DOCK5: variants seen among roughly 807,000 people sequenced by gnomAD.
The protein encoded by DOCK5 is dedicator of cytokinesis protein 5.
Under a neutral mutation model 251.8 loss-of-function variants are expected in DOCK5, and 142 were observed. That is an observed-to-expected ratio of 0.56 (90% CI 0.49 to 0.65). DOCK5 has a LOEUF of 0.65. Ranked by LOEUF, DOCK5 falls within the 30% of genes least tolerant of loss-of-function variation. The pLI, the probability that DOCK5 is intolerant of heterozygous loss-of-function variation, is 0.00. For missense variants in DOCK5, 2,111 were observed against 2,312.3 expected, an observed-to-expected ratio of 0.91 and a Z score of 1.79; for synonymous variants, 842 against 835.5, an observed-to-expected ratio of 1.01 and a Z score of -0.13.
intron 1 of DOCK5, among the ~76,000 whole-genome samples, chr8:25,233,568 A>C (rs1802723613): frequency 6.6e-6 from 1 of 152,190 alleles, no homozygotes; most frequent in Non-Finnish European, 1.5e-5. Flanking sequence ...GTAAAACACC[A>C]GCTCACTTTA....
At position 25,341,792 on chromosome 8, in the gene DOCK5, T is replaced by C. The variant is rs774385512; in HGVS notation, c.2493T>C (p.Phe831=). 6.4e-7 allele frequency: 1 copy of C among 1,570,998 alleles called. No individual in the cohort carries two copies. Among genetic ancestry groups the C allele is most frequent in the Non-Finnish European group, 8.6e-7 (1 of 1,156,204 alleles). ...TAATTAATGATGTCAAACTTGTATT[T>C]GATCCTGTTGAGCTCAGGTAAATAG... The part of the protein sequence containing the change: ...PSIINDVKLV[F]DPVELSVLFC... The change falls in exon 24 of 52, where the codon TTT becomes TTC. Residue 831 remains phenylalanine (F), a synonymous_variant. Transcript: ENST00000276440.
At chr8:25,394,645 G>A (rs924362496) in intron 44 of DOCK5, among the ~76,000 whole-genome samples, 6 of 152,052 alleles carry the variant, frequency 3.9e-5, no homozygotes, top group South Asian at 2.1e-4. Flanking sequence ...TTCTCTTGTC[G>A]TTGATCTTCT....
Position 25,411,257 on chromosome 8 carries a change from C to T in DOCK5, c.5572C>T (p.Arg1858Trp), listed in dbSNP as rs747723490. 8 of 1,584,772 alleles carry T rather than the reference C, an allele frequency of 5.0e-6. No homozygotes were observed. Among genetic ancestry groups the T allele is most frequent in the Admixed American group, 1.8e-5 (1 of 55,730 alleles). The change falls in exon 52 of 52, where the codon CGG becomes TGG. Residue 1858 changes from arginine to tryptophan, a missense_variant. Around this residue, in one of 3 missense-constraint regions of DOCK5, gnomAD observed 1,717 missense variants for 1,892.4 expected, o/e 0.91. Coordinates refer to ENST00000276440, the MANE Select transcript of DOCK5 (RefSeq NM_024940.8). ...ACCACCCCCTCCACCTCCAAAGGCT[C>T]GGAAGTCTGGCATCCCTACTTCCGA... Reference protein sequence around the residue: ...KAPPPPPPKARKSGIPTSEPG... With the variant: ...KAPPPPPPKAWKSGIPTSEPG...
intron 5 of DOCK5, among the ~76,000 whole-genome samples, chr8:25,290,744 T>C (rs1804464108): frequency 6.6e-6 from 1 of 152,186 alleles, no homozygotes; most frequent in African/African-American, 2.4e-5. Flanking sequence ...AAACTCTCTG[T>C]CCTATAAAGG....
chr8:25,388,163 C>G (rs1801197632), intron 40 of DOCK5, among the ~76,000 whole-genome samples: 1 of 152,176 alleles, frequency 6.6e-6, no homozygotes, highest in African/African-American at 2.4e-5. Context: ...TTTTTATTCT[C>G]TCCTCTAGAA....
chr8:25,204,450 T>A (rs1046800865), intron 1 of DOCK5, among the ~76,000 whole-genome samples: 4 of 152,168 alleles, frequency 2.6e-5, no homozygotes, highest in Admixed American at 2.6e-4. Flanking sequence ...ATATTTTCTA[T>A]TACCTTCTAG....
chr8:25,369,576 A>C lies in DOCK5; in HGVS notation c.3459A>C (p.Thr1153=). Residue 1153 remains threonine (T), a synonymous_variant, in exon 34 of 52, where the codon ACA becomes ACC. Coordinates refer to ENST00000276440, the MANE Select transcript of DOCK5 (RefSeq NM_024940.8). ...NFHMFENELI[T]KLDQEVEGGR... ...TTCAGTTTGAGAATGAGCTGATCAC[A>C]AAGCTGGACCAGGAGGTAGAAGGGG... 6.2e-7 allele frequency: 1 copy of C among 1,611,396 alleles called. No individual in the cohort carries two copies. Among genetic ancestry groups the C allele is most frequent in the African/African-American group, 1.3e-5 (1 of 75,020 alleles).
intron 27 of DOCK5, among the ~76,000 whole-genome samples, chr8:25,355,898 G>C (rs1288462029): frequency 1.3e-5 from 2 of 151,978 alleles, no homozygotes; most frequent in Non-Finnish European, 2.9e-5. Flanking sequence ...TAGCCAAATA[G>C]AAATAATAAT....
chr8:25,374,363 G>A (rs569289366), intron 36 of DOCK5, among the ~76,000 whole-genome samples: 2 of 152,040 alleles, frequency 1.3e-5, no homozygotes, highest in African/African-American at 4.8e-5. Context: ...AATTAGCCGG[G>A]CCTGGTGGCA....
In DOCK5 at chr8:25,340,898, T is replaced by A. The variant is rs377089070; in HGVS notation, c.2349T>A (p.Asp783Glu). 1 of 1,613,698 alleles carries A rather than the reference T, an allele frequency of 6.2e-7. No individual in the cohort carries two copies. ...LYLRFYGQSK[D>E]GDEFNNSIRQ... ...TAAGATTTTATGGGCAGAGCAAAGA[T>A]GGAGATGAGTTTAATAATTCAATTC... Residue 783 changes from aspartate (D) to glutamate (E), a missense_variant, in exon 23 of 52, where the codon GAT (aspartate) becomes GAA (glutamate). Physicochemically the swap from Asp to Glu is conservative, Grantham distance 45. Around this residue, in one of 3 missense-constraint regions of DOCK5, gnomAD observed 1,717 missense variants for 1,892.4 expected, o/e 0.91. Coordinates refer to ENST00000276440, the MANE Select transcript of DOCK5 (RefSeq NM_024940.8).
rs916259659 is a variant in DOCK5 at position 25,290,719 on chromosome 8, G to C, written c.322-1305G>C. 2.0e-5 allele frequency among the ~76,000 whole-genome samples: 3 copies of C among 152,110 alleles called. No homozygotes were observed. The East Asian group carries it at 5.8e-4, about 29-fold the overall frequency. On this transcript the variant is annotated intron_variant, in intron 5 of 51. Coordinates refer to ENST00000276440, the MANE Select transcript of DOCK5 (RefSeq NM_024940.8). Reference sequence around the variant, plus strand: ...CTACTTATACCAGCTATATTCTAGGGACACACAAATGAACAAACTCTCTGT... The same window carrying C: ...CTACTTATACCAGCTATATTCTAGGCACACACAAATGAACAAACTCTCTGT...
chr8:25,246,813 C>T (rs968559419), intron 2 of DOCK5, among the ~76,000 whole-genome samples: 1 of 149,670 alleles, frequency 6.7e-6, no homozygotes, highest in African/African-American at 2.5e-5. Flanking sequence ...TCAAGCTTTT[C>T]TAATTGTCCT....
intron 1 of DOCK5, among the ~76,000 whole-genome samples, chr8:25,228,989 G>A (rs1039500369): frequency 1.2e-4 from 18 of 151,714 alleles, no homozygotes; most frequent in African/African-American, 3.9e-4. Flanking sequence ...CCAGCACTCG[G>A]GGAGGCCAAG....
At chr8:25,190,885 G>T (rs974501275) in intron 1 of DOCK5, among the ~76,000 whole-genome samples, 15 of 145,618 alleles carry the variant, frequency 1.0e-4, no homozygotes, top group Non-Finnish European at 1.8e-4. Flanking sequence ...CCGGGTTCAC[G>T]CCATTCTCCT....
Position 25,308,861 on chromosome 8 carries a change from T to C in DOCK5, c.1128T>C (p.Asn376=), listed in dbSNP as rs147072638. 6.3e-4 allele frequency: 1,012 copies of C among 1,613,824 alleles called. 6 individuals are homozygous for C. The African/African-American group carries it at 0.011, about 18-fold the overall frequency. Residue 376 remains asparagine, a synonymous_variant, in exon 12 of 52, where the codon AAT becomes AAC. Coordinates refer to ENST00000276440, the MANE Select transcript of DOCK5 (RefSeq NM_024940.8). ...PLITSHVIGE[N]EPLTSVLNKV... ...TAACATCACACGTGATTGGGGAGAA[T>C]GAGCCACTCACTTCAGTCTTGAATA...
intron 3 of DOCK5, among the ~76,000 whole-genome samples, chr8:25,274,276 C>A (rs1031512323): frequency 3.4e-5 from 5 of 148,614 alleles, no homozygotes; most frequent in Non-Finnish European, 6.0e-5. Flanking sequence ...TCAGCCACCC[C>A]TGACATGTCA....
chr8:25,390,455 A>C (rs1274766415), intron 42 of DOCK5, among the ~76,000 whole-genome samples, 168 bp downstream of exon 42: 1 of 152,130 alleles, frequency 6.6e-6, no homozygotes, highest in East Asian at 1.9e-4. Flanking sequence ...AAAAAGAGAA[A>C]AGTTTGTCTC....
chr8:25,314,952 C>G (rs1469925210), intron 13 of DOCK5, among the ~76,000 whole-genome samples: 1 of 149,552 alleles, frequency 6.7e-6, no homozygotes, highest in African/African-American at 2.5e-5. Flanking sequence ...CTACGATGAC[C>G]TCTTCCCTGG....
At chr8:25,349,741 T>G (rs1563211217) in intron 26 of DOCK5, among the ~76,000 whole-genome samples, 2 of 152,256 alleles carry the variant, frequency 1.3e-5, no homozygotes, top group East Asian at 3.9e-4. Flanking sequence ...AAGAGTGATA[T>G]TATGGACTTT....
Sources: allele counts gnomAD v4.1 joint callset (sites outside exome capture counted in the v4.1 genomes callset), GRCh38; gene constraint gnomAD v4.1.1; regional missense constraint gnomAD v4.1.1; transcripts MANE v1.5; gene names NCBI Gene and HGNC (gene_info 2026-07-23, HGNC 2026-07-21).